THSD7A: variants seen among roughly 807,000 people sequenced by gnomAD.
The protein encoded by THSD7A is thrombospondin type 1 domain containing 7A.
In THSD7A, 96 loss-of-function variants were observed where a neutral mutation model predicts 231.3. The ratio of observed to expected loss-of-function variants is 0.41; its 90% CI spans 0.35 to 0.49. The LOEUF (loss-of-function observed/expected upper bound fraction) is 0.49, where lower values mean the gene tolerates loss of function less well. Ranked by LOEUF, THSD7A falls within the 20% of genes least tolerant of loss-of-function variation. The pLI, the probability that THSD7A is intolerant of heterozygous loss-of-function variation, is 0.05. For synonymous variants in THSD7A, 940 were observed against 743.3 expected, an observed-to-expected ratio of 1.26 and a Z score of -4.30; for missense variants, 2,290 against 2,070.2, an observed-to-expected ratio of 1.11 and a Z score of -2.06.
At chr7:11,615,828 T>C (rs995432235) in intron 2 of THSD7A, among the ~76,000 whole-genome samples, 3 of 152,184 alleles carry the variant, frequency 2.0e-5, no homozygotes, top group African/African-American at 7.2e-5. Flanking sequence ...TATCTGACAT[T>C]ATATGATTTT....
chr7:11,466,905 TATGCCTCAC>T (rs1314025979), intron 9 of THSD7A, among the ~76,000 whole-genome samples: 1 of 152,006 alleles, frequency 6.6e-6, no homozygotes, highest in Admixed American at 6.6e-5. Flanking sequence ...CTAAACCCAT[TATGCCTCAC>T]ATGCCTGCCA....
chr7:11,446,489 A>G lies in THSD7A; in HGVS notation c.2801-165T>C, dbSNP rs1033785484. Among the ~76,000 whole-genome samples, 4 of 152,110 alleles carry G rather than the reference A, an allele frequency of 2.6e-5. No homozygotes were observed. The highest frequency in any genetic ancestry group is 5.9e-5 in the Non-Finnish European group (4 of 68,014). ...TTTCTCATTCCACAGTGTTTTCTAC[A>G]TAGGCTCCTGTTGGTATTGGGTGCT... On this transcript the variant is annotated intron_variant, in intron 12 of 27. Coordinates refer to ENST00000423059, the MANE Select transcript of THSD7A (RefSeq NM_015204.3). This position sits in a 1 kb window ranked among gnomAD's most constrained non-coding sequence, Gnocchi z 4.0.
intron 6 of THSD7A, among the ~76,000 whole-genome samples, chr7:11,520,726 C>T (rs1788228613): frequency 6.6e-6 from 1 of 152,160 alleles, no homozygotes; most frequent in South Asian, 2.1e-4. Context: ...TTAAATCACT[C>T]CAGCTTTCAT....
At chr7:11,527,615 ATCCT>A (rs1788533020) in intron 6 of THSD7A, among the ~76,000 whole-genome samples, 1 of 150,190 alleles carries the variant, frequency 6.7e-6, no homozygotes, top group South Asian at 2.1e-4. Context: ...GCCACGTTAG[ATCCT>A]TCCTTTAGTA....
At chr7:11,689,168 G>A (rs929859670) in intron 1 of THSD7A, among the ~76,000 whole-genome samples, 18 of 151,872 alleles carry the variant, frequency 1.2e-4, no homozygotes, top group Middle Eastern at 6.8e-3. Context: ...TCTGAGCCAC[G>A]GAATTCTTTA....
intron 11 of THSD7A, among the ~76,000 whole-genome samples, chr7:11,454,449 C>A (rs1654745944): frequency 6.6e-6 from 1 of 151,832 alleles, no homozygotes; most frequent in African/African-American, 2.4e-5. Flanking sequence ...GAACCCTAGG[C>A]AAACTGGTCA....
intron 2 of THSD7A, among the ~76,000 whole-genome samples, chr7:11,597,216 G>T (rs1485343859): frequency 6.6e-6 from 1 of 152,180 alleles, no homozygotes; most frequent in Non-Finnish European, 1.5e-5. Context: ...GGGGTCCAGT[G>T]GTGTGGGGCC....
intron 1 of THSD7A, among the ~76,000 whole-genome samples, chr7:11,712,167 A>AGTAATTT (rs769562738): frequency 7.5e-4 from 113 of 151,186 alleles, no homozygotes; most frequent in Non-Finnish European, 1.6e-3. Flanking sequence ...GGCTAGTACA[A>AGTAATTT]ACCATAAATT....
Position 11,391,545 on chromosome 7 carries a change from C to T in THSD7A, c.4412-8929G>A, listed in dbSNP as rs144130769. 4.6e-3 allele frequency among the ~76,000 whole-genome samples: 701 copies of T among 152,258 alleles called. 17 individuals are homozygous for T. Among genetic ancestry groups the T allele is most frequent in the East Asian group, 0.035 (181 of 5,168 alleles). The stretch of plus-strand genomic sequence containing the variant: ...TTGCTGGGTTCTGTGAGTGTGGCAC[C>T]TGCCCAGCCAGACCACTTGGCCCCC... On this transcript the variant is annotated intron_variant, in intron 23 of 27. Coordinates refer to ENST00000423059, the MANE Select transcript of THSD7A (RefSeq NM_015204.3).
At chr7:11,765,539 T>G (rs975109390) in intron 1 of THSD7A, among the ~76,000 whole-genome samples, 1 of 152,174 alleles carries the variant, frequency 6.6e-6, no homozygotes, top group Non-Finnish European at 1.5e-5. Context: ...AGTTAAAATA[T>G]ATATGGTTTG....
chr7:11,820,828 C>T (rs1271732222), intron 1 of THSD7A: 5 of 980,914 alleles, frequency 5.1e-6, no homozygotes, highest in Non-Finnish European at 6.5e-6. Context: ...GCTTCTTCTG[C>T]TTCTTTGATC....
chr7:11,500,468 C>G (rs1277664319), intron 6 of THSD7A, among the ~76,000 whole-genome samples: 6 of 152,096 alleles, frequency 3.9e-5, no homozygotes, highest in African/African-American at 7.2e-5. Flanking sequence ...CATATTAATA[C>G]TAACCTTGAA....
At chr7:11,729,504 T>C (rs1311185489) in intron 1 of THSD7A, among the ~76,000 whole-genome samples, 1 of 151,706 alleles carries the variant, frequency 6.6e-6, no homozygotes, top group East Asian at 1.9e-4. Flanking sequence ...TATTTAAAAA[T>C]AAACAAGCAA....
chr7:11,435,473 G>C (rs1040809547), intron 13 of THSD7A, among the ~76,000 whole-genome samples: 9 of 152,156 alleles, frequency 5.9e-5, no homozygotes, highest in Non-Finnish European at 1.0e-4. Context: ...TTTAAGACGA[G>C]AGAGATTGCA....
intron 1 of THSD7A, among the ~76,000 whole-genome samples, chr7:11,770,339 T>C (rs1273456752): frequency 6.6e-6 from 1 of 152,286 alleles, no homozygotes; most frequent in South Asian, 2.1e-4. Context: ...TATATTTTAA[T>C]TGCAATTGCC....
chr7:11,632,714 C>G lies in THSD7A; in HGVS notation c.1022+3416G>C, dbSNP rs1171097535. Among the ~76,000 whole-genome samples, 3 of 152,182 alleles carry G rather than the reference C, an allele frequency of 2.0e-5. No homozygotes were observed. Among genetic ancestry groups the G allele is most frequent in the Non-Finnish European group, 2.9e-5 (2 of 68,018 alleles). On this transcript the variant is annotated intron_variant, in intron 2 of 27. Coordinates refer to ENST00000423059, the MANE Select transcript of THSD7A (RefSeq NM_015204.3). The surrounding 1 kb of genome is among the most constrained non-coding windows in gnomAD (Gnocchi z 4.1). ...ACCGTCCCAGCTTTCAGTCTGATGT[C>G]TCTTCACCTATCTCTCTCCATAAAA...
At chr7:11,666,731 A>C (rs1783149600) in intron 1 of THSD7A, among the ~76,000 whole-genome samples, 1 of 150,924 alleles carries the variant, frequency 6.6e-6, no homozygotes, top group African/African-American at 2.4e-5. Context: ...TTTATTTAAA[A>C]TATATTTATA....
Position 11,481,919 on chromosome 7 carries a change from G to A in THSD7A, c.1886C>T (p.Ala629Val), listed in dbSNP as rs1786442306. ...AIFPIPVACD[A>V]PCPKDCVLST... is the part of the protein sequence containing the mutation. ...GAGCACACAGTCTTTCGGGCATGGGGCATCACAGGCCACAGGGATGGGGAA... is the reference window on the plus strand; with the variant it reads ...GAGCACACAGTCTTTCGGGCATGGGACATCACAGGCCACAGGGATGGGGAA... Residue 629 changes from alanine (A) to valine (V), a missense_variant, in exon 7 of 28, where the codon GCC becomes GTC. Ala to Val is a moderately conservative substitution (Grantham distance 64). Coordinates refer to ENST00000423059, the MANE Select transcript of THSD7A (RefSeq NM_015204.3). 1 of 1,613,674 alleles carries A rather than the reference G, an allele frequency of 6.2e-7. No homozygotes were observed. Among genetic ancestry groups the A allele is most frequent in the Non-Finnish European group, 8.5e-7 (1 of 1,179,670 alleles).
chr7:11,609,309 A>G (rs1439235100), intron 2 of THSD7A, among the ~76,000 whole-genome samples: 1 of 152,038 alleles, frequency 6.6e-6, no homozygotes, highest in Non-Finnish European at 1.5e-5. Flanking sequence ...CTTTCACTAT[A>G]TAAATCTTTA....
Sources: gnomAD v4.1 joint callset for allele counts (sites outside exome capture counted in the v4.1 genomes callset) on GRCh38, gnomAD v4.1.1 for gene constraint, Gnocchi (gnomAD v3.1) non-coding constraint, MANE v1.5 for transcripts, NCBI Gene and HGNC (gene_info 2026-07-23, HGNC 2026-07-21) for gene names.